GABRA1: variants seen among roughly 807,000 people sequenced by gnomAD.
GABRA1 encodes the protein gamma-aminobutyric acid receptor subunit alpha-1.
GABRA1 carries 9 observed loss-of-function variants against 48.9 expected under a neutral mutation model. The observed-to-expected ratio is 0.18, with a 90% CI of 0.11 to 0.32. The LOEUF is 0.32. Among genes scored for constraint, GABRA1 ranks in the 10% least tolerant of loss-of-function variants. GABRA1 has a pLI of 1.00. For missense variants in GABRA1, 285 were observed against 553.8 expected (o/e 0.51, Z 4.87); for synonymous variants, 210 against 198.7 (o/e 1.06, Z -0.48).
intron 7 of GABRA1, among the ~76,000 whole-genome samples, chr5:161,886,077 A>G (rs988947737): frequency 3.3e-5 from 5 of 152,140 alleles, no homozygotes; most frequent in Admixed American, 6.6e-5. Context: ...CATTTTATAG[A>G]TGGGATATAT....
intron 6 of GABRA1, chr5:161,881,747 T>A (rs1231001343): frequency 6.6e-6 from 1 of 152,068 alleles, no homozygotes; most frequent in Non-Finnish European, 1.5e-5. Flanking sequence ...CTGGTCTTCC[T>A]CAAACTAGTC....
chr5:161,897,346 G>A lies in GABRA1; in HGVS notation c.1295G>A (p.Gly432Glu). Reference protein sequence around the residue: ...LSRIAFPLLFGIFNLVYWATY... With the variant: ...LSRIAFPLLFEIFNLVYWATY... ...AGAATAGCCTTCCCGCTGCTATTTG[G>A]AATCTTTAACTTAGTCTACTGGGCT... Residue 432 changes from glycine to glutamate, a missense_variant, in exon 10 of 10, where the codon GGA becomes GAA. By Grantham distance (98) the Gly-to-Glu change is moderately conservative. Coordinates refer to ENST00000393943, the MANE Select transcript of GABRA1 (RefSeq NM_001127644.2). The A allele has an allele frequency of 1.9e-6, 3 of 1,614,110 alleles. No individual in the cohort carries two copies. Among genetic ancestry groups the A allele is most frequent in the Non-Finnish European group, 2.5e-6 (3 of 1,179,984 alleles).
At position 161,873,239 on chromosome 5, in the gene GABRA1, A is replaced by G. The variant is rs756299135; in HGVS notation, c.378A>G (p.Thr126=). 3.7e-5 allele frequency: 59 copies of G among 1,613,720 alleles called. No individual in the cohort carries two copies. The highest frequency in any genetic ancestry group is 4.8e-5 in the Non-Finnish European group (57 of 1,179,848). Residue 126 remains threonine (T), a synonymous_variant, in exon 5 of 10, where the codon ACA becomes ACG. Coordinates refer to ENST00000393943, the MANE Select transcript of GABRA1 (RefSeq NM_001127644.2). ...LMASKIWTPD[T]FFHNGKKSVA... ...CAAGTAAAATCTGGACTCCGGACAC[A>G]TTTTTCCACAATGGAAAGAAGTCAG...
At chr5:161,879,379 T>C (rs1318215106) in intron 6 of GABRA1, among the ~76,000 whole-genome samples, 1 of 152,234 alleles carries the variant, frequency 6.6e-6, no homozygotes, top group Admixed American at 6.5e-5. Flanking sequence ...TAAAAAATCC[T>C]GTGACTGCAG....
intron 3 of GABRA1, among the ~76,000 whole-genome samples, chr5:161,860,925 A>T (rs995351994): frequency 2.0e-5 from 3 of 151,832 alleles, no homozygotes; most frequent in Admixed American, 1.3e-4. Flanking sequence ...TTGATTCCAG[A>T]TCCAATGTGG....
At chr5:161,891,304 G>A (rs942809891) in intron 8 of GABRA1, among the ~76,000 whole-genome samples, 1 of 152,056 alleles carries the variant, frequency 6.6e-6, no homozygotes, top group Admixed American at 6.6e-5. Context: ...TAAAAATGAA[G>A]TGAAGCAGGC....
chr5:161,866,890 A>G (rs1753883917), intron 4 of GABRA1, among the ~76,000 whole-genome samples: 2 of 152,152 alleles, frequency 1.3e-5, no homozygotes, highest in Non-Finnish European at 2.9e-5. Context: ...AAGAGGTAAC[A>G]GAGTGGTAAC....
chr5:161,866,535 T>A (rs1420504868), intron 4 of GABRA1, among the ~76,000 whole-genome samples: 1 of 152,106 alleles, frequency 6.6e-6, no homozygotes, highest in Non-Finnish European at 1.5e-5. Context: ...TTGAATACTA[T>A]TTTTGAAATG....
intron 2 of GABRA1, among the ~76,000 whole-genome samples, chr5:161,851,679 C>T (rs756275634): frequency 6.6e-6 from 1 of 151,900 alleles, no homozygotes; most frequent in Non-Finnish European, 1.5e-5. Flanking sequence ...CAAGGGAACT[C>T]TTAAGAGTTA....
chr5:161,874,342 TA>T (rs952832809), intron 5 of GABRA1, among the ~76,000 whole-genome samples: 2 of 152,088 alleles, frequency 1.3e-5, no homozygotes, highest in African/African-American at 2.4e-5. Flanking sequence ...TATTAGGACT[TA>T]AAAAAATCTA....
intron 4 of GABRA1, among the ~76,000 whole-genome samples, chr5:161,870,002 TA>T (rs1468897239): frequency 6.6e-6 from 1 of 152,136 alleles, no homozygotes; most frequent in Non-Finnish European, 1.5e-5. Context: ...GTTGATAAAA[TA>T]ATAAAATGGG....
intron 7 of GABRA1, among the ~76,000 whole-genome samples, chr5:161,886,735 C>A (rs3980416): frequency 0.37 from 56,380 of 151,858 alleles, 10,790 homozygotes; most frequent in East Asian, 0.54. Flanking sequence ...CGAGACTACA[C>A]CACTGCACTC....
At chr5:161,865,350 A>G (rs1260582300) in intron 3 of GABRA1, among the ~76,000 whole-genome samples, 2 of 152,124 alleles carry the variant, frequency 1.3e-5, no homozygotes, top group Non-Finnish European at 2.9e-5. Context: ...TACCTGGAGG[A>G]TCTGTCTAGC....
chr5:161,874,726 T>C (rs993828921), intron 5 of GABRA1, among the ~76,000 whole-genome samples: 1 of 152,162 alleles, frequency 6.6e-6, no homozygotes, highest in Non-Finnish European at 1.5e-5. Flanking sequence ...CATTTAATGA[T>C]TGACTATAAA....
At chr5:161,860,277 T>G (rs779915882) in intron 3 of GABRA1, among the ~76,000 whole-genome samples, 3 of 151,858 alleles carry the variant, frequency 2.0e-5, no homozygotes, top group Non-Finnish European at 4.4e-5. Context: ...GTATATAAAC[T>G]ATCTACCTGA....
intron 2 of GABRA1, among the ~76,000 whole-genome samples, chr5:161,853,025 T>C (rs549646885): frequency 2.6e-5 from 4 of 152,022 alleles, no homozygotes; most frequent in Admixed American, 2.0e-4. Flanking sequence ...AAAAGTGATA[T>C]ATTTGTGGCA....
At position 161,897,197 on chromosome 5, in the gene GABRA1, C is replaced by A. The variant is rs79593368; in HGVS notation, c.1146C>A (p.Gly382=). 2 of 1,614,034 alleles carry A rather than the reference C, an allele frequency of 1.2e-6. No homozygotes were observed. The highest frequency in any genetic ancestry group is 1.7e-6 in the Non-Finnish European group (2 of 1,179,986). The change falls in exon 10 of 10, where the codon GGC becomes GGA. Residue 382 remains glycine (G), a synonymous_variant. Coordinates refer to ENST00000393943, the MANE Select transcript of GABRA1 (RefSeq NM_001127644.2). The part of the protein sequence containing the change: ...ATSYTPNLAR[G]DPGLATIAKS... ...GCTACACCCCTAATTTGGCCAGGGG[C>A]GACCCGGGCTTAGCCACCATTGCTA...
At chr5:161,858,492 C>T (rs1757735487) in intron 3 of GABRA1, among the ~76,000 whole-genome samples, 1 of 151,690 alleles carries the variant, frequency 6.6e-6, no homozygotes, top group Non-Finnish European at 1.5e-5. Context: ...TATATACAGG[C>T]TACACTTTAT....
intron 4 of GABRA1, 97 bp from the exon 5 acceptor site, chr5:161,873,020 C>T: frequency 1.1e-6 from 1 of 886,214 alleles, no homozygotes; most frequent in Non-Finnish European, 1.9e-6. Flanking sequence ...TAACATTATA[C>T]TTCCAAAGTT....
Sources: allele counts gnomAD v4.1 joint callset (sites outside exome capture counted in the v4.1 genomes callset), GRCh38; gene constraint gnomAD v4.1.1; transcripts MANE v1.5; gene names NCBI Gene and HGNC (gene_info 2026-07-23, HGNC 2026-07-21).